STPG2: variants seen among roughly 807,000 people sequenced by gnomAD.
STPG2 encodes sperm tail PG-rich repeat containing 2.
STPG2 carries 56 observed loss-of-function variants against 54.2 expected under a neutral mutation model. The observed-to-expected ratio is 1.03, with a 90% CI of 0.83 to 1.29. The LOEUF (loss-of-function observed/expected upper bound fraction) is 1.29, where lower values mean the gene tolerates loss of function less well. STPG2 is among the 50% of genes most tolerant of loss of function. STPG2 has a pLI of 0.00. For missense variants in STPG2, 596 were observed against 544.9 expected, an observed-to-expected ratio of 1.09 and a Z score of -0.93; for synonymous variants, 200 against 181.8, an observed-to-expected ratio of 1.10 and a Z score of -0.81.
At chr4:97,593,857 G>A (rs938654475) in intron 10 of STPG2, among the ~76,000 whole-genome samples, 26 of 151,092 alleles carry the variant, frequency 1.7e-4, no homozygotes, top group South Asian at 1.2e-3. Context: ...CTAGGTAACC[G>A]CCCCCCAAGA....
At chr4:98,018,079 T>C (rs1370075603) in intron 5 of STPG2, among the ~76,000 whole-genome samples, 1 of 152,148 alleles carries the variant, frequency 6.6e-6, no homozygotes, top group Non-Finnish European at 1.5e-5. Context: ...GCAGGTTTGT[T>C]ACATATGTAT....
At chr4:97,509,820 G>A (rs1025632426) in intron 4 of STPG2, among the ~76,000 whole-genome samples, 6 of 152,050 alleles carry the variant, frequency 3.9e-5, no homozygotes, top group African/African-American at 9.6e-5. Flanking sequence ...AAGGTAATCC[G>A]GGTAAAAATG....
intron 8 of STPG2, among the ~76,000 whole-genome samples, chr4:97,921,116 C>T (rs775029719): frequency 3.9e-5 from 6 of 152,250 alleles, no homozygotes; most frequent in Non-Finnish European, 7.4e-5. Context: ...GTGTCACTCC[C>T]ATCCCCAAGC....
chr4:97,980,912 TAAAGAA>T (rs1488667022), intron 6 of STPG2, among the ~76,000 whole-genome samples: 1 of 152,094 alleles, frequency 6.6e-6, no homozygotes, highest in Non-Finnish European at 1.5e-5. Flanking sequence ...ATTTACCAAA[TAAAGAA>T]AAACAACAGA....
chr4:98,103,230 G>A (rs1739096251), intron 5 of STPG2, among the ~76,000 whole-genome samples: 1 of 152,010 alleles, frequency 6.6e-6, no homozygotes, highest in Non-Finnish European at 1.5e-5. Flanking sequence ...ACCACTTTGA[G>A]TTAAACAGTA....
chr4:97,830,358 A>G (rs1200834233), intron 9 of STPG2, among the ~76,000 whole-genome samples: 2 of 152,236 alleles, frequency 1.3e-5, no homozygotes, highest in East Asian at 1.9e-4. Context: ...CTGCCTTATA[A>G]GAGCTCCTGA....
chr4:98,019,526 T>C lies in STPG2; in HGVS notation c.613-38208A>G, dbSNP rs780795323. ...CTCTTTTTTGGTTCCATATGAACTTTAAAGTAGTTTTTTCCAATTCTGTGA... is the reference window on the plus strand; with the variant it reads ...CTCTTTTTTGGTTCCATATGAACTTCAAAGTAGTTTTTTCCAATTCTGTGA... On this transcript the variant is annotated intron_variant, in intron 5 of 10. Transcript: ENST00000295268. Among the ~76,000 whole-genome samples, 125 of 151,930 alleles carry C rather than the reference T, an allele frequency of 8.2e-4. 1 individual carries two copies. The highest frequency in any genetic ancestry group is 4.6e-4 in the Non-Finnish European group (31 of 67,974).
intron 4 of STPG2, among the ~76,000 whole-genome samples, chr4:97,471,681 T>G (rs1729940333): frequency 6.6e-6 from 1 of 152,192 alleles, no homozygotes; most frequent in Admixed American, 6.5e-5. Flanking sequence ...GTGTTCATCC[T>G]ATTGACTTCT....
chr4:97,471,335 T>G (rs1251103023), intron 4 of STPG2, among the ~76,000 whole-genome samples: 1 of 152,148 alleles, frequency 6.6e-6, no homozygotes, highest in African/African-American at 2.4e-5. Context: ...AATATATTGA[T>G]TATCACAGAG....
chr4:97,558,376 T>A (rs1482549884), downstream of STPG2, among the ~76,000 whole-genome samples: 2 of 152,118 alleles, frequency 1.3e-5, no homozygotes, highest in African/African-American at 4.8e-5. Context: ...TTCCCCTCCT[T>A]GAGTGTGGGC....
At chr4:97,929,976 T>C (rs1476493766) in intron 8 of STPG2, among the ~76,000 whole-genome samples, 1 of 152,168 alleles carries the variant, frequency 6.6e-6, no homozygotes, top group African/African-American at 2.4e-5. Context: ...CTCAGCTCAC[T>C]GCAACCTCCA....
chr4:97,985,958 A>T (rs2149266095), intron 5 of STPG2, among the ~76,000 whole-genome samples: 1 of 144,654 alleles, frequency 6.9e-6, no homozygotes, highest in East Asian at 2.0e-4. Flanking sequence ...AAACACACAC[A>T]CACACACACA....
At chr4:97,622,902 T>C (rs556851882) in intron 10 of STPG2, among the ~76,000 whole-genome samples, 2 of 152,192 alleles carry the variant, frequency 1.3e-5, no homozygotes, top group Non-Finnish European at 2.9e-5. Context: ...AACAGCACAA[T>C]ACTGGTACAA....
chr4:97,723,816 C>T (rs1359760568), intron 9 of STPG2, among the ~76,000 whole-genome samples: 1 of 152,116 alleles, frequency 6.6e-6, no homozygotes, highest in African/African-American at 2.4e-5. Context: ...AGGGAAGTGC[C>T]ACTTTTAAAC....
At chr4:97,542,992 G>T (rs1731753761) in intron 4 of STPG2, among the ~76,000 whole-genome samples, 1 of 152,046 alleles carries the variant, frequency 6.6e-6, no homozygotes, top group African/African-American at 2.4e-5. Flanking sequence ...GGAGAAGGGG[G>T]AGGGATAGCA....
chr4:98,041,646 T>C (rs1374357371), intron 5 of STPG2, among the ~76,000 whole-genome samples: 2 of 151,948 alleles, frequency 1.3e-5, no homozygotes, highest in Non-Finnish European at 2.9e-5. Context: ...TATTGATATG[T>C]ATATGTTGAA....
chr4:97,617,530 T>C (rs894964313), intron 10 of STPG2, among the ~76,000 whole-genome samples: 3 of 152,150 alleles, frequency 2.0e-5, no homozygotes, highest in African/African-American at 4.8e-5. Context: ...GATTTTATGC[T>C]TTGGTGGCGT....
At chr4:97,947,031 A>T (rs1411042787) in intron 7 of STPG2, among the ~76,000 whole-genome samples, 1 of 152,070 alleles carries the variant, frequency 6.6e-6, no homozygotes, top group Non-Finnish European at 1.5e-5. Context: ...TGAGAATGGG[A>T]TGTGTTTCCA....
At chr4:97,905,725 G>GAC (rs1731386866) in intron 8 of STPG2, among the ~76,000 whole-genome samples, 2 of 152,036 alleles carry the variant, frequency 1.3e-5, no homozygotes, top group Admixed American at 6.6e-5. Flanking sequence ...CACGTGCAGA[G>GAC]ACACACATAG....
Sources: allele counts gnomAD v4.1 joint callset (sites outside exome capture counted in the v4.1 genomes callset), GRCh38; gene constraint gnomAD v4.1.1; transcripts MANE v1.5; gene names NCBI Gene and HGNC (gene_info 2026-07-23, HGNC 2026-07-21).